The following VPS13D variants were observed in gnomAD, a reference collection of about 807,000 sequenced individuals.
VPS13D encodes vacuolar protein sorting 13 homolog D.
VPS13D carries 187 observed loss-of-function variants against 461.9 expected under a neutral mutation model. The ratio of observed to expected loss-of-function variants is 0.40; its 90% CI spans 0.36 to 0.46. VPS13D has a LOEUF of 0.46. VPS13D is among the 20% of genes least tolerant of loss of function. VPS13D has a pLI of 0.60. For missense variants in VPS13D, 4,711 were observed against 5,364.9 expected (o/e 0.88, Z 3.81); for synonymous variants, 1,951 against 1,986.3 (o/e 0.98, Z 0.47).
In VPS13D at chr1:12,234,364, G is replaced by T; in HGVS notation, c.97+1G>T. ...CAGCTCTCAGTTGCACTTCTCAAAG[G>T]TGAGTATTTCTCTGGGTGAGATACA... On this transcript the variant is annotated splice_donor_variant, in intron 2 of 69. Coordinates refer to ENST00000620676, the MANE Select transcript of VPS13D (RefSeq NM_015378.4). LOFTEE classifies it high-confidence loss of function. 6.2e-7 allele frequency: 1 copy of T among 1,612,548 alleles called. No homozygotes were observed. Among genetic ancestry groups the T allele is most frequent in the Non-Finnish European group, 8.5e-7 (1 of 1,178,922 alleles).
intron 67 of VPS13D, among the ~76,000 whole-genome samples, chr1:12,478,119 A>T (rs1182378582): frequency 1.3e-5 from 2 of 152,186 alleles, no homozygotes; most frequent in African/African-American, 4.8e-5. Flanking sequence ...GCCTGCTGGG[A>T]TGGGGTTTTA....
At chr1:12,462,982 A>C (rs1645431740) in intron 67 of VPS13D, among the ~76,000 whole-genome samples, 1 of 152,192 alleles carries the variant, frequency 6.6e-6, no homozygotes, top group Non-Finnish European at 1.5e-5. Flanking sequence ...AAAGTTGTGC[A>C]GCTTGACTCA....
At position 12,369,624 on chromosome 1, in the gene VPS13D, A is replaced by C. The variant is rs1164531975; in HGVS notation, c.10730A>C (p.Asn3577Thr). 2 of 1,614,100 alleles carry C rather than the reference A, an allele frequency of 1.2e-6. No homozygotes were observed. Among genetic ancestry groups the C allele is most frequent in the Admixed American group, 3.3e-5 (2 of 60,002 alleles). Reference sequence around the variant, plus strand: ...GCAGGGTCCTCTGAGATCAACTGCAACATGAATGATTTCCAGGATAATCGG... The same window carrying C: ...GCAGGGTCCTCTGAGATCAACTGCACCATGAATGATTTCCAGGATAATCGG... ...KGAGSSEINC[N>T]MNDFQDNRQL... is the part of the protein sequence containing the mutation. The change falls in exon 54 of 70, where the codon AAC (asparagine) becomes ACC (threonine). Residue 3577 changes from asparagine (N) to threonine (T), a missense_variant. Asn to Thr is a moderately conservative substitution (Grantham distance 65, BLOSUM62 0). Coordinates refer to ENST00000620676, the MANE Select transcript of VPS13D (RefSeq NM_015378.4).
In VPS13D at chr1:12,403,920, C is replaced by T; in HGVS notation, c.11977C>T (p.Pro3993Ser). The T allele has an allele frequency of 6.2e-7, 1 of 1,613,594 alleles. No individual in the cohort carries two copies. The highest frequency in any genetic ancestry group is 8.5e-7 in the Non-Finnish European group (1 of 1,179,886). The change falls in exon 63 of 70, where the codon CCT (proline) becomes TCT (serine). Residue 3993 changes from proline (P) to serine (S), a missense_variant. Pro to Ser is a moderately conservative substitution (Grantham distance 74, BLOSUM62 -1). Around this residue, in one of 3 missense-constraint regions of VPS13D, gnomAD observed 4,411 missense variants for 4,937.8 expected, o/e 0.89. Coordinates refer to ENST00000620676, the MANE Select transcript of VPS13D (RefSeq NM_015378.4). ...YYFENLKISI[P>S]QIKLSVFTSN... is the part of the protein sequence containing the mutation. The stretch of plus-strand genomic sequence containing the variant: ...CTTTGAAAATCTCAAAATCAGCATT[C>T]CTCAGATCAAGCTAAGTGTGTTCAC...
chr1:12,303,093 A>G (rs560679029), intron 25 of VPS13D, among the ~76,000 whole-genome samples: 65 of 152,300 alleles, frequency 4.3e-4, no homozygotes, highest in African/African-American at 1.4e-3. Flanking sequence ...ACCAGCCATC[A>G]TTTTGTATTT....
At position 12,495,449 on chromosome 1, in the gene VPS13D, C is replaced by T. The variant is rs1304832478; in HGVS notation, c.12663-2051C>T. ...CTGGGATTACAGGCGTGAGCCACTG[C>T]GCCCGGCCGATGTAACATCTTTTGA... On this transcript the variant is annotated intron_variant, in intron 67 of 69. Coordinates refer to ENST00000620676, the MANE Select transcript of VPS13D (RefSeq NM_015378.4). The surrounding 1 kb of genome is among the most constrained non-coding windows in gnomAD (Gnocchi z 4.0). 2.6e-5 allele frequency among the ~76,000 whole-genome samples: 4 copies of T among 152,150 alleles called. No individual in the cohort carries two copies. Among genetic ancestry groups the T allele is most frequent in the Admixed American group, 6.5e-5 (1 of 15,278 alleles).
At chr1:12,361,087 A>G (rs1185240114) in intron 50 of VPS13D, among the ~76,000 whole-genome samples, 1 of 152,194 alleles carries the variant, frequency 6.6e-6, no homozygotes, top group Non-Finnish European at 1.5e-5. Flanking sequence ...TTAGCTTTCC[A>G]TGCCTTCGTT....
At chr1:12,294,528 T>C (rs1288303661) in intron 24 of VPS13D, among the ~76,000 whole-genome samples, 1 of 152,202 alleles carries the variant, frequency 6.6e-6, no homozygotes, top group African/African-American at 2.4e-5. Context: ...TAAAATGTCC[T>C]GGCAGCCGGG....
intron 63 of VPS13D, among the ~76,000 whole-genome samples, chr1:12,410,687 T>C (rs1345216694): frequency 6.6e-6 from 1 of 152,180 alleles, no homozygotes; most frequent in Non-Finnish European, 1.5e-5. Context: ...GGGAAAATTA[T>C]AGACCAGCAC....
chr1:12,378,654 C>A, intron 56 of VPS13D, 63 bp downstream of exon 56: 2 of 1,417,490 alleles, frequency 1.4e-6, no homozygotes, highest in Admixed American at 2.7e-5. Context: ...CAGAGGAAAT[C>A]TACAACAAAA....
intron 50 of VPS13D, among the ~76,000 whole-genome samples, chr1:12,359,152 G>C (rs1044520146): frequency 6.6e-6 from 1 of 152,160 alleles, no homozygotes; most frequent in East Asian, 1.9e-4. Context: ...GATGGGAAGG[G>C]TGGAAAGGGG....
At chr1:12,273,853 T>C (rs1041617654) in intron 18 of VPS13D, among the ~76,000 whole-genome samples, 1 of 152,210 alleles carries the variant, frequency 6.6e-6, no homozygotes, top group Admixed American at 6.5e-5. Flanking sequence ...ATATTGCTGC[T>C]GTGAGCATTC....
chr1:12,438,259 G>A (rs979508646), intron 65 of VPS13D, among the ~76,000 whole-genome samples: 5 of 152,140 alleles, frequency 3.3e-5, no homozygotes, highest in African/African-American at 1.2e-4. Flanking sequence ...TTAGATCAAG[G>A]AATTGGTGCC....
At position 12,277,289 on chromosome 1, in the gene VPS13D, A is replaced by G; in HGVS notation, c.3701A>G (p.Tyr1234Cys). Reference protein sequence around the residue: ...DLTQDNVKNQYVVSIGNSVGY... With the variant: ...DLTQDNVKNQCVVSIGNSVGY... ...ACACAAGATAACGTTAAAAACCAGTATGTTGTCAGCATTGGGAATTCTGTA... is the reference window on the plus strand; with the variant it reads ...ACACAAGATAACGTTAAAAACCAGTGTGTTGTCAGCATTGGGAATTCTGTA... The change falls in exon 19 of 70, where the codon TAT (tyrosine) becomes TGT (cysteine). Residue 1234 changes from tyrosine to cysteine, a missense_variant. Around this residue, in one of 3 missense-constraint regions of VPS13D, gnomAD observed 4,411 missense variants for 4,937.8 expected, o/e 0.89. Transcript: ENST00000620676. 6.2e-7 allele frequency: 1 copy of G among 1,614,216 alleles called. No individual in the cohort carries two copies. Among genetic ancestry groups the G allele is most frequent in the Non-Finnish European group, 8.5e-7 (1 of 1,180,038 alleles).
chr1:12,326,224 C>A (rs1220423153), intron 35 of VPS13D, among the ~76,000 whole-genome samples: 1 of 148,792 alleles, frequency 6.7e-6, no homozygotes, highest in Non-Finnish European at 1.5e-5. Context: ...TAATTTTATA[C>A]CCCTTAATGT....
chr1:12,257,617 A>G lies in VPS13D; in HGVS notation c.942-318A>G, dbSNP rs1640961669. 2.0e-5 allele frequency among the ~76,000 whole-genome samples: 3 copies of G among 152,330 alleles called. No homozygotes were observed. The South Asian group carries it at 6.2e-4, about 32-fold the overall frequency. On this transcript the variant is annotated intron_variant, in intron 9 of 69. Coordinates refer to ENST00000620676, the MANE Select transcript of VPS13D (RefSeq NM_015378.4). ...AATCTTTAGTAGTCAAATCCTCGGT[A>G]ATTATCTTAAGATGGTATTTACCTT...
chr1:12,283,802 C>A, intron 21 of VPS13D, 66 bp downstream of exon 21: 1 of 1,450,142 alleles, frequency 6.9e-7, no homozygotes, highest in South Asian at 1.4e-5. Context: ...GATTTAAATA[C>A]AAGCACTTTA....
chr1:12,355,928 A>G lies in VPS13D; in HGVS notation c.9709A>G (p.Lys3237Glu), dbSNP rs775562863. The G allele has an allele frequency of 6.2e-7, 1 of 1,603,506 alleles. No individual in the cohort carries two copies. Among genetic ancestry groups the G allele is most frequent in the South Asian group, 1.1e-5 (1 of 90,138 alleles). Residue 3237 changes from lysine to glutamate, a missense_variant, in exon 48 of 70, where the codon AAA becomes GAA. Transcript: ENST00000620676. ...ATCACTGGAGAATTTCCCCCTCTGT[A>G]AAGAATTGCTCATTCCACCTGGAAC... ...GVSLENFPLCKELLIPPGTQN... is the reference protein window; with the variant it reads ...GVSLENFPLCEELLIPPGTQN...
At chr1:12,262,890 G>A (rs1348576348) in intron 13 of VPS13D, among the ~76,000 whole-genome samples, 2 of 151,984 alleles carry the variant, frequency 1.3e-5, no homozygotes, top group African/African-American at 2.4e-5. Context: ...TTTTAGTGGA[G>A]ACAAGGTATC....
Sources: allele counts gnomAD v4.1 joint callset (sites outside exome capture counted in the v4.1 genomes callset), GRCh38; gene constraint gnomAD v4.1.1; regional missense constraint gnomAD v4.1.1; non-coding constraint Gnocchi (gnomAD v3.1); transcripts MANE v1.5; gene names NCBI Gene and HGNC (gene_info 2026-07-23, HGNC 2026-07-21).